Variants in MGA observed in about 807,000 individuals in gnomAD.
MGA encodes the protein MAX dimerization protein MGA, also known as MAX gene-associated protein.
MGA carries 40 observed loss-of-function variants against 261.1 expected under a neutral mutation model. The ratio of observed to expected loss-of-function variants is 0.15; its 90% CI spans 0.12 to 0.20. The LOEUF (loss-of-function observed/expected upper bound fraction) is 0.20. Ranked by LOEUF, MGA falls within the 10% of genes least tolerant of loss-of-function variation. The probability of loss-of-function intolerance (pLI) is 1.00; values close to 1 mark genes in which losing one functional copy is unlikely to be tolerated. For missense variants in MGA, 3,397 were observed against 3,630.5 expected (o/e 0.94, Z 1.65); for synonymous variants, 1,302 against 1,290.6 (o/e 1.01, Z -0.19).
chr15:41,760,810 C>T (rs756047982), intron 20 of MGA, among the ~76,000 whole-genome samples: 2 of 152,102 alleles, frequency 1.3e-5, no homozygotes, highest in Non-Finnish European at 2.9e-5. Context: ...GATCTTGGCT[C>T]ACCGCAACCT....
At chr15:41,708,268 T>G in intron 7 of MGA, 60 bp downstream of exon 7, 6 of 1,187,824 alleles carry the variant, frequency 5.1e-6, no homozygotes, top group Middle Eastern at 5.2e-4. Flanking sequence ...AACCTTTTGT[T>G]AAAAGTAAGT....
chr15:41,747,445 A>G (rs941404391), intron 15 of MGA, among the ~76,000 whole-genome samples: 1 of 152,166 alleles, frequency 6.6e-6, no homozygotes, highest in African/African-American at 2.4e-5. Flanking sequence ...TAAAAACATA[A>G]GAGGCCAGGC....
chr15:41,736,663 C>T lies in MGA; in HGVS notation c.4399C>T (p.Arg1467Cys), dbSNP rs769019565. The T allele has an allele frequency of 5.0e-6, 8 of 1,612,834 alleles. No individual in the cohort carries two copies. In the East Asian group the frequency reaches 8.9e-5, roughly 18 times the overall value. ...TGCAGGGAAGCTTGTGGCCTATAAACGTAAACCCAGTTCAAGTACATCTGG... is the reference window on the plus strand; with the variant it reads ...TGCAGGGAAGCTTGTGGCCTATAAATGTAAACCCAGTTCAAGTACATCTGG... The change falls in exon 13 of 24, where the codon CGT (arginine) becomes TGT (cysteine). Residue 1467 changes from arginine (R) to cysteine (C), a missense_variant. Arg to Cys is a radical substitution (Grantham distance 180). Coordinates refer to ENST00000219905, the MANE Select transcript of MGA (RefSeq NM_001164273.2).
At chr15:41,714,906 A>G (rs2151519611) in intron 9 of MGA, among the ~76,000 whole-genome samples, 1 of 152,280 alleles carries the variant, frequency 6.6e-6, no homozygotes, top group African/African-American at 2.4e-5. Context: ...AGATTTATTG[A>G]CCATTTATCA....
At chr15:41,732,487 A>G (rs1236548557) in intron 11 of MGA, among the ~76,000 whole-genome samples, 1 of 152,050 alleles carries the variant, frequency 6.6e-6, no homozygotes, top group Non-Finnish European at 1.5e-5. Flanking sequence ...GAAACACTCA[A>G]TCTGTCATTT....
At chr15:41,644,625 C>G (rs2056898030) in intron 1 of MGA, among the ~76,000 whole-genome samples, 1 of 151,950 alleles carries the variant, frequency 6.6e-6, no homozygotes, top group Admixed American at 6.6e-5. Flanking sequence ...TACCACTGCC[C>G]TCCAGCCAGC....
chr15:41,762,470 T>TTTG, intron 22 of MGA, 108 bp downstream of exon 22: 1 of 657,778 alleles, frequency 1.5e-6, no homozygotes, highest in East Asian at 3.5e-5. Flanking sequence ...GGTTTTTTTT[T>TTTG]TTTTTTTTTT....
At chr15:41,678,691 C>T (rs1015418372) in intron 2 of MGA, among the ~76,000 whole-genome samples, 36 of 151,160 alleles carry the variant, frequency 2.4e-4, no homozygotes, top group Middle Eastern at 6.8e-3. Context: ...CGCTTGAACC[C>T]GGGAGGCGGA....
In MGA at chr15:41,762,236, A is replaced by G. The variant is rs745947089; in HGVS notation, c.7618A>G (p.Ile2540Val). The stretch of plus-strand genomic sequence containing the variant: ...GAAGATGGGATCAGATGAGTTTGAC[A>G]TATCTCCCAGAATTAGCAAACAGCA... Residue 2540 changes from isoleucine to valine, a missense_variant, in exon 22 of 24, where the codon ATA becomes GTA. By Grantham distance (29) the Ile-to-Val change is conservative. Coordinates refer to ENST00000219905, the MANE Select transcript of MGA (RefSeq NM_001164273.2). 10 of 1,613,854 alleles carry G rather than the reference A, an allele frequency of 6.2e-6. No homozygotes were observed. The highest frequency in any genetic ancestry group is 2.2e-5 in the East Asian group (1 of 44,880).
chr15:41,738,405 ATAATAT>A (rs1272763157), intron 13 of MGA, among the ~76,000 whole-genome samples: 17 of 152,336 alleles, frequency 1.1e-4, no homozygotes, highest in South Asian at 8.3e-4. Context: ...AAAAGAGAAA[ATAATAT>A]TAATATGATT....
At chr15:41,672,756 A>G (rs2058131848) in intron 2 of MGA, among the ~76,000 whole-genome samples, 1 of 152,228 alleles carries the variant, frequency 6.6e-6, no homozygotes, top group Admixed American at 6.5e-5. Context: ...AATATGTGAC[A>G]GAGACCATAG....
chr15:41,753,974 A>G (rs530460710), intron 17 of MGA, among the ~76,000 whole-genome samples: 1 of 152,184 alleles, frequency 6.6e-6, no homozygotes, highest in East Asian at 1.9e-4. Context: ...GCTGGTGTGC[A>G]GTGGTGCAGT....
In MGA at chr15:41,711,658, A is replaced by C. The variant is rs1918312; in HGVS notation, c.3084+309A>C. 2.6e-5 allele frequency among the ~76,000 whole-genome samples: 4 copies of C among 152,190 alleles called. No individual in the cohort carries two copies. The South Asian group carries it at 8.3e-4, about 32-fold the overall frequency. On this transcript the variant is annotated intron_variant, in intron 8 of 23. Coordinates refer to ENST00000219905, the MANE Select transcript of MGA (RefSeq NM_001164273.2). Reference sequence around the variant, plus strand: ...CATTTTCCAACATATGGGCAAGTACATTGGCTGATCTTGTTAAAACAACTT... The same window carrying C: ...CATTTTCCAACATATGGGCAAGTACCTTGGCTGATCTTGTTAAAACAACTT...
At chr15:41,657,545 G>A (rs942078807), upstream of MGA, among the ~76,000 whole-genome samples, 8 of 151,434 alleles carry the variant, frequency 5.3e-5, no homozygotes, top group Non-Finnish European at 1.2e-4. Flanking sequence ...TAGTAGAGAC[G>A]GGGTTTCACC....
chr15:41,733,398 G>A (rs2061611089), intron 11 of MGA, among the ~76,000 whole-genome samples: 1 of 152,156 alleles, frequency 6.6e-6, no homozygotes, highest in African/African-American at 2.4e-5. Flanking sequence ...GATTATATGA[G>A]AAACTGAGGC....
intron 15 of MGA, among the ~76,000 whole-genome samples, 191 bp from the exon 16 acceptor site, chr15:41,748,446 C>T (rs977984073): frequency 3.9e-5 from 6 of 152,154 alleles, no homozygotes; most frequent in South Asian, 2.1e-4. Context: ...CGCAGCTACT[C>T]GGTATGCTGA....
intron 1 of MGA, among the ~76,000 whole-genome samples, chr15:41,622,513 AT>A (rs1202490492): frequency 6.6e-6 from 1 of 152,116 alleles, no homozygotes; most frequent in African/African-American, 2.4e-5. Flanking sequence ...TATCATTCCC[AT>A]TTATACTTTA....
rs1254427070 is a variant in MGA, at chr15:41,708,108, G to A, written c.2325G>A (p.Ala775=). The A allele has an allele frequency of 3.2e-6, 5 of 1,574,656 alleles. No homozygotes were observed. The highest frequency in any genetic ancestry group is 1.4e-5 in the African/African-American group (1 of 73,898). The change falls in exon 7 of 24, where the codon GCG becomes GCA. Residue 775 remains alanine, a synonymous_variant. Coordinates refer to ENST00000219905, the MANE Select transcript of MGA (RefSeq NM_001164273.2). Reference sequence around the variant, plus strand: ...GTTTGACTTTTTCTTTTATAGATGCGGGATTTCCCTTTGTTTCTAGGACAG... The same window carrying A: ...GTTTGACTTTTTCTTTTATAGATGCAGGATTTCCCTTTGTTTCTAGGACAG...
chr15:41,700,630 T>G (rs770340371), intron 5 of MGA, among the ~76,000 whole-genome samples: 1 of 152,224 alleles, frequency 6.6e-6, no homozygotes, highest in Non-Finnish European at 1.5e-5. Flanking sequence ...TTGTAATGCA[T>G]TATCTTGACC....
Sources: allele counts gnomAD v4.1 joint callset (sites outside exome capture counted in the v4.1 genomes callset), GRCh38; gene constraint gnomAD v4.1.1; transcripts MANE v1.5; gene names NCBI Gene and HGNC (gene_info 2026-07-23, HGNC 2026-07-21).